The following SYNE1 variants were observed in gnomAD, a reference collection of about 807,000 sequenced individuals.
The protein encoded by SYNE1 is spectrin repeat containing nuclear envelope protein 1.
SYNE1 carries 616 observed loss-of-function variants against 1,111.0 expected under a neutral mutation model. That is an observed-to-expected ratio of 0.55 (90% confidence interval 0.52 to 0.59). SYNE1 has a LOEUF of 0.59. Ranked by LOEUF, SYNE1 falls within the 20% of genes least tolerant of loss-of-function variation. The pLI, the probability that SYNE1 is intolerant of heterozygous loss-of-function variation, is 0.00. For synonymous variants in SYNE1, 3,855 were observed against 3,825.8 expected (o/e 1.01, Z -0.28); for missense variants, 10,006 against 10,417.0 (o/e 0.96, Z 1.72).
At chr6:152,391,591 A>AAAAAAG (rs773835376) in intron 51 of SYNE1, 23 bp from the exon 52 acceptor site, 53 of 1,556,424 alleles carry the variant, frequency 3.4e-5, no homozygotes, top group African/African-American at 2.9e-4. Flanking sequence ...AAAAAAAAAA[A>AAAAAAG]AAAGAAAAAA....
chr6:152,178,403 G>GT (rs1279483076), intron 129 of SYNE1, among the ~76,000 whole-genome samples: 1 of 152,142 alleles, frequency 6.6e-6, no homozygotes, highest in African/African-American at 2.4e-5. Flanking sequence ...AATGAAATCT[G>GT]TATCATCTCA....
chr6:152,321,172 T>C (rs2095861532), intron 84 of SYNE1, 66 bp downstream of exon 84: 16 of 1,576,566 alleles, frequency 1.0e-5, no homozygotes, highest in Non-Finnish European at 1.4e-5. Context: ...AATCAAGAAC[T>C]CTCACACAAG....
At position 152,285,772 on chromosome 6, in the gene SYNE1, C is replaced by G. The variant is rs9371579; in HGVS notation, c.18013-1600G>C. Among the ~76,000 whole-genome samples, 1,856 of 152,308 alleles carry G rather than the reference C, an allele frequency of 0.012. 97 individuals are homozygous for G. The East Asian group carries it at 0.16, about 14-fold the overall frequency. ...ATCCTAAGAAAATCTCCATCATTCTCTCTCATAGCACCCTGTTTTCCTGTC... is the reference window on the plus strand; with the variant it reads ...ATCCTAAGAAAATCTCCATCATTCTGTCTCATAGCACCCTGTTTTCCTGTC... On this transcript the variant is annotated intron_variant, in intron 95 of 145. Transcript: ENST00000367255.
chr6:152,468,682 A>T (rs1016300520), intron 16 of SYNE1, among the ~76,000 whole-genome samples: 1 of 152,190 alleles, frequency 6.6e-6, no homozygotes, highest in African/African-American at 2.4e-5. Flanking sequence ...GAGAATTATG[A>T]CTAAGGAAAA....
intron 3 of SYNE1, among the ~76,000 whole-genome samples, chr6:152,585,896 G>T (rs1459696772): frequency 3.9e-5 from 6 of 152,160 alleles, no homozygotes; most frequent in Non-Finnish European, 5.9e-5. Flanking sequence ...GAAATCGCAT[G>T]TGTTTGTGTT....
At chr6:152,396,408 T>A (rs907744021) in intron 50 of SYNE1, among the ~76,000 whole-genome samples, 1 of 152,186 alleles carries the variant, frequency 6.6e-6, no homozygotes, top group African/African-American at 2.4e-5. Flanking sequence ...CAGAATTCAA[T>A]CATTGTTTTC....
At position 152,446,074 on chromosome 6, in the gene SYNE1, G is replaced by C. The variant is rs555357402; in HGVS notation, c.3669+1384C>G. Among the ~76,000 whole-genome samples the C allele has an allele frequency of 6.9e-4, 104 of 151,652 alleles. 1 individual carries two copies. The highest frequency in any genetic ancestry group is 2.7e-3 in the South Asian group (13 of 4,794). On this transcript the variant is annotated intron_variant, in intron 29 of 145. Coordinates refer to ENST00000367255, the MANE Select transcript of SYNE1 (RefSeq NM_182961.4). ...AGCAAATGGCCTTGGTAAATGTTAG[G>C]GAAACTACTGACTTCTAACTTTAAA...
chr6:152,143,787 T>A (rs1410785639), intron 137 of SYNE1, 22 bp from the exon 138 acceptor site: 13 of 1,614,042 alleles, frequency 8.1e-6, no homozygotes, highest in Non-Finnish European at 1.1e-5. Flanking sequence ...ACCATAAGAA[T>A]CTTTACTGGA....
intron 9 of SYNE1, among the ~76,000 whole-genome samples, chr6:152,503,588 G>A (rs1441337901): frequency 6.6e-6 from 1 of 152,148 alleles, no homozygotes; most frequent in Non-Finnish European, 1.5e-5. Flanking sequence ...AGAGCAGAAA[G>A]CAAACCAAAT....
chr6:152,575,612 G>C (rs973043504), intron 3 of SYNE1, among the ~76,000 whole-genome samples: 55 of 152,180 alleles, frequency 3.6e-4, no homozygotes, highest in African/African-American at 1.3e-3. Flanking sequence ...TCCATTTTAA[G>C]ATTGTGGAGT....
Position 152,221,575 on chromosome 6 carries a change from G to A in SYNE1, c.21523-16C>T. On this transcript the variant is annotated splice_polypyrimidine_tract_variant and intron_variant, in intron 117 of 145. Transcript: ENST00000367255. ...CTTGGAGATTCTGCCCCAAAAAAAA[G>A]ACCCATAGATGACATAACAGGATCT... 6.2e-7 allele frequency: 1 copy of A among 1,613,384 alleles called. No homozygotes were observed. Among genetic ancestry groups the A allele is most frequent in the Middle Eastern group, 1.7e-4 (1 of 6,056 alleles).
chr6:152,519,793 C>T (rs115851313), intron 6 of SYNE1, among the ~76,000 whole-genome samples: 1 of 152,114 alleles, frequency 6.6e-6, no homozygotes, highest in South Asian at 2.1e-4. Context: ...AGTGACTCTA[C>T]CATAGGAAAG....
chr6:152,313,620 G>C (rs1018127054), intron 87 of SYNE1, among the ~76,000 whole-genome samples: 3 of 151,870 alleles, frequency 2.0e-5, no homozygotes, highest in African/African-American at 4.8e-5. Context: ...TCCCAACCAC[G>C]TCCAGCTAAC....
chr6:152,230,895 C>G (rs1256977402), intron 114 of SYNE1, among the ~76,000 whole-genome samples, 193 bp from the exon 115 acceptor site: 1 of 151,710 alleles, frequency 6.6e-6, no homozygotes, highest in Non-Finnish European at 1.5e-5. Context: ...GAAGAATTGT[C>G]TTGAGCCACA....
At chr6:152,269,582 T>C (rs1006010803) in intron 98 of SYNE1, among the ~76,000 whole-genome samples, 3 of 152,162 alleles carry the variant, frequency 2.0e-5, no homozygotes, top group Non-Finnish European at 4.4e-5. Context: ...CCAGATTTTT[T>C]TTCCACAAAA....
intron 58 of SYNE1, among the ~76,000 whole-genome samples, chr6:152,375,332 A>G (rs2097261267): frequency 6.6e-6 from 1 of 152,246 alleles, no homozygotes; most frequent in Admixed American, 6.5e-5. Flanking sequence ...GGTGAACTAC[A>G]TATGAACAAT....
chr6:152,178,510 T>C (rs993542974), intron 129 of SYNE1, among the ~76,000 whole-genome samples: 4 of 152,246 alleles, frequency 2.6e-5, no homozygotes, highest in Non-Finnish European at 5.9e-5. Context: ...AAGGCTTATC[T>C]AATGGCAAAT....
intron 46 of SYNE1, among the ~76,000 whole-genome samples, chr6:152,403,478 T>G (rs1269054793): frequency 6.6e-6 from 1 of 152,176 alleles, no homozygotes; most frequent in Non-Finnish European, 1.5e-5. Context: ...CCCAGCACTT[T>G]GGGAGGCTGA....
intron 45 of SYNE1, 70 bp downstream of exon 45, chr6:152,406,944 C>CA: frequency 1.2e-6 from 1 of 817,250 alleles, no homozygotes; most frequent in Non-Finnish European, 1.7e-6. Context: ...TTAAGAAAGA[C>CA]TTTTTTTTTT....
Sources: gnomAD v4.1 joint callset for allele counts (sites outside exome capture counted in the v4.1 genomes callset) on GRCh38, gnomAD v4.1.1 for gene constraint, MANE v1.5 for transcripts, NCBI Gene and HGNC (gene_info 2026-07-23, HGNC 2026-07-21) for gene names.